Variants in LCOR observed in about 807,000 individuals in gnomAD.
LCOR encodes ligand-dependent corepressor.
In LCOR, 14 loss-of-function variants were observed where a neutral mutation model predicts 64.4. That is an observed-to-expected ratio of 0.22 (90% CI 0.14 to 0.34). LCOR has a LOEUF of 0.34. Ranked by LOEUF, LCOR falls within the 10% of genes least tolerant of loss-of-function variation. The pLI, the probability that LCOR is intolerant of heterozygous loss-of-function variation, is 1.00. For synonymous variants in LCOR, 643 were observed against 642.5 expected (o/e 1.00, Z -0.01); for missense variants, 1,686 against 1,765.3 (o/e 0.96, Z 0.80).
intron 4 of LCOR, among the ~76,000 whole-genome samples, chr10:96,919,679 C>T (rs1847014561): frequency 6.6e-6 from 1 of 152,180 alleles, no homozygotes; most frequent in Admixed American, 6.5e-5. Context: ...TCTTTAGCCC[C>T]TGGCAACCAC....
At chr10:96,950,300 T>G (rs1310759773) in intron 6 of LCOR, among the ~76,000 whole-genome samples, 1 of 152,196 alleles carries the variant, frequency 6.6e-6, no homozygotes, top group Non-Finnish European at 1.5e-5. Flanking sequence ...TTTTCCTGTG[T>G]GGTGAACAGC....
chr10:96,919,326 T>C (rs1323901649), intron 4 of LCOR, among the ~76,000 whole-genome samples: 4 of 152,008 alleles, frequency 2.6e-5, no homozygotes, highest in Non-Finnish European at 2.9e-5. Flanking sequence ...GTCTCACTTT[T>C]TTCTTTCCTT....
intron 7 of LCOR, chr10:96,956,718 A>G (rs1027342483): frequency 2.0e-6 from 2 of 985,742 alleles, no homozygotes; most frequent in African/African-American, 1.7e-5. Context: ...ATATAGCCTT[A>G]TCTCATGGAG....
chr10:96,886,273 T>C (rs535542838), intron 2 of LCOR, among the ~76,000 whole-genome samples: 5 of 152,336 alleles, frequency 3.3e-5, no homozygotes, highest in African/African-American at 9.6e-5. Context: ...ATAAGAGATA[T>C]ACAGGTTGAG....
At chr10:96,951,965 T>TA in intron 6 of LCOR, 138 bp from the exon 7 acceptor site, 1 of 595,452 alleles carries the variant, frequency 1.7e-6, no homozygotes, top group East Asian at 2.9e-5. Flanking sequence ...ATTTAATTGA[T>TA]TTTATAACTC....
chr10:96,933,979 T>C (rs1170236256), intron 4 of LCOR, among the ~76,000 whole-genome samples: 1 of 152,228 alleles, frequency 6.6e-6, no homozygotes, highest in Non-Finnish European at 1.5e-5. Context: ...TTGAAGAGTT[T>C]TATAGCATTT....
At chr10:96,873,068 A>AGT (rs147994082) in intron 2 of LCOR, among the ~76,000 whole-genome samples, 21,988 of 152,136 alleles carry the variant, frequency 0.14, 2,227 homozygotes, top group African/African-American at 0.28. Context: ...AAAAGGGATG[A>AGT]GTGGAGGGAT....
chr10:96,991,382 A>G lies in LCOR; in HGVS notation c.*6248A>G, dbSNP rs993329835. ...CTATTAGGGTATGTAGTGAAAACTA[A>G]AAGTGCAGTCTTTAAAAGTACAGTC... is the stretch of plus-strand genomic sequence containing the variant. On this transcript the variant is annotated 3_prime_UTR_variant, in exon 8 of 8. Coordinates refer to ENST00000421806, the MANE Select transcript of LCOR (RefSeq NM_001346516.2). 4 of 152,190 alleles carry G rather than the reference A, an allele frequency of 2.6e-5. No individual in the cohort carries two copies. Among genetic ancestry groups the G allele is most frequent in the African/African-American group, 9.7e-5 (4 of 41,436 alleles). 9.4% of individuals were successfully genotyped at this position (152,190 alleles called of 1,614,324 possible).
Position 96,984,876 on chromosome 10 carries a change from G to A in LCOR, c.4416G>A (p.Arg1472=), listed in dbSNP as rs149382858. ...KSAGKSCPPS[R]KEKENTNKRP... ...CTGGGAAGAGCTGCCCTCCCTCCAG[G>A]AAAGAAAAAGAGAATACAAACAAAA... Residue 1472 remains arginine (R), a synonymous_variant, in exon 8 of 8, where the codon AGG becomes AGA. Coordinates refer to ENST00000421806, the MANE Select transcript of LCOR (RefSeq NM_001346516.2). 22 of 1,613,682 alleles carry A rather than the reference G, an allele frequency of 1.4e-5. 1 individual carries two copies. The Middle Eastern group carries it at 6.6e-4, about 48-fold the overall frequency.
intron 7 of LCOR, among the ~76,000 whole-genome samples, chr10:96,977,635 A>G (rs985305931): frequency 1.3e-5 from 2 of 152,114 alleles, no homozygotes; most frequent in Non-Finnish European, 2.9e-5. Flanking sequence ...GTTATAAGAA[A>G]GCATTAATGC....
At chr10:96,955,807 C>T in intron 7 of LCOR, 1 of 1,614,134 alleles carries the variant, frequency 6.2e-7, no homozygotes, top group Non-Finnish European at 8.5e-7. Context: ...TTGAAAAACC[C>T]TCCAAAGAAA....
intron 1 of LCOR, chr10:96,832,926 C>G (rs984701443): frequency 1.1e-6 from 1 of 939,598 alleles, no homozygotes; most frequent in Admixed American, 6.2e-5. Flanking sequence ...GCGCGGCGGG[C>G]TGCAGGCGGG....
rs183707567 is a variant in LCOR at position 96,877,570 on chromosome 10, T to C, written c.-329-29695T>C. Among the ~76,000 whole-genome samples the C allele has an allele frequency of 1.6e-3, 240 of 150,264 alleles. 1 individual carries two copies. The highest frequency in any genetic ancestry group is 0.011 in the East Asian group (56 of 5,114). On this transcript the variant is annotated intron_variant, in intron 2 of 7. Transcript: ENST00000421806. Reference sequence around the variant, plus strand: ...ATAACTTATTGATCATCTTTGGAGATTGCAAGGGTGTCAACTCATTTTTCT... The same window carrying C: ...ATAACTTATTGATCATCTTTGGAGACTGCAAGGGTGTCAACTCATTTTTCT...
intron 2 of LCOR, among the ~76,000 whole-genome samples, chr10:96,881,446 T>G (rs553436765): frequency 8.6e-5 from 13 of 150,342 alleles, no homozygotes; most frequent in African/African-American, 2.7e-4. Context: ...AAGAGATTTT[T>G]TTGTTGTTGT....
intron 2 of LCOR, among the ~76,000 whole-genome samples, chr10:96,865,004 C>G (rs1031013259): frequency 6.6e-5 from 10 of 151,976 alleles, no homozygotes; most frequent in African/African-American, 2.4e-4. Flanking sequence ...AGAAGAATTT[C>G]TGAGAAAAGA....
chr10:96,856,825 G>GA (rs1369188174), intron 2 of LCOR, among the ~76,000 whole-genome samples: 1 of 147,486 alleles, frequency 6.8e-6, no homozygotes, highest in Admixed American at 6.8e-5. Context: ...CAGCAGAAAA[G>GA]AAATAGCTCA....
intron 2 of LCOR, among the ~76,000 whole-genome samples, chr10:96,874,140 A>G (rs1042106109): frequency 2.0e-5 from 3 of 152,236 alleles, no homozygotes; most frequent in Admixed American, 6.5e-5. Context: ...GCGTGCTATA[A>G]AACTCTATTA....
At chr10:96,842,026 G>A (rs1845549951) in intron 2 of LCOR, among the ~76,000 whole-genome samples, 1 of 151,948 alleles carries the variant, frequency 6.6e-6, no homozygotes, top group Admixed American at 6.6e-5. Context: ...ATTGTGTATA[G>A]TTCTCTTAGT....
At chr10:96,969,411 T>C (rs1847977956) in intron 7 of LCOR, among the ~76,000 whole-genome samples, 1 of 152,180 alleles carries the variant, frequency 6.6e-6, no homozygotes, top group Non-Finnish European at 1.5e-5. Context: ...AAGACTAAAA[T>C]GGAATAAAAG....
Sources: allele counts gnomAD v4.1 joint callset (sites outside exome capture counted in the v4.1 genomes callset), GRCh38; gene constraint gnomAD v4.1.1; transcripts MANE v1.5; gene names NCBI Gene and HGNC (gene_info 2026-07-23, HGNC 2026-07-21).